The following BCAT1 variants were observed in gnomAD, a reference collection of about 807,000 sequenced individuals.
BCAT1 encodes branched-chain-amino-acid aminotransferase, cytosolic.
BCAT1 carries 48 observed loss-of-function variants against 52.4 expected under a neutral mutation model. The observed-to-expected ratio is 0.92, with a 90% CI of 0.73 to 1.16. BCAT1 has a LOEUF of 1.16. Among genes scored for constraint, BCAT1 ranks in the 50% most tolerant of loss-of-function variants. The pLI, the probability that BCAT1 is intolerant of heterozygous loss-of-function variation, is 0.00. For synonymous variants in BCAT1, 167 were observed against 161.3 expected (o/e 1.04, Z -0.27); for missense variants, 451 against 457.1 (o/e 0.99, Z 0.12).
intron 1 of BCAT1, among the ~76,000 whole-genome samples, chr12:24,943,688 G>T (rs1256884537): frequency 6.6e-6 from 1 of 151,954 alleles, no homozygotes; most frequent in African/African-American, 2.4e-5. Flanking sequence ...AATGTTTTCA[G>T]TTAAAGTAGT....
At chr12:24,884,054 G>A (rs995126344) in intron 3 of BCAT1, among the ~76,000 whole-genome samples, 2 of 152,158 alleles carry the variant, frequency 1.3e-5, no homozygotes, top group Non-Finnish European at 2.9e-5. Flanking sequence ...GTGCTCTCAT[G>A]TTTATTGTAG....
intron 1 of BCAT1, among the ~76,000 whole-genome samples, chr12:24,944,090 A>G (rs1943898771): frequency 6.6e-6 from 1 of 152,214 alleles, no homozygotes. Flanking sequence ...TGTTTCTTCT[A>G]TAAACACCAG....
intron 8 of BCAT1, 39 bp from the exon 9 acceptor site, chr12:24,832,902 G>A (rs539875067): frequency 1.9e-6 from 3 of 1,554,398 alleles, no homozygotes; most frequent in East Asian, 2.3e-5. Flanking sequence ...TATTTTAAAG[G>A]AAAAGGCATG....
chr12:24,914,108 G>A (rs529447593), intron 1 of BCAT1, among the ~76,000 whole-genome samples: 1 of 149,358 alleles, frequency 6.7e-6, no homozygotes, highest in African/African-American at 2.5e-5. Flanking sequence ...TTGAGATGGG[G>A]TCTCACTGTA....
At chr12:24,946,761 A>C (rs1361342753) in intron 1 of BCAT1, among the ~76,000 whole-genome samples, 2 of 152,188 alleles carry the variant, frequency 1.3e-5, no homozygotes, top group South Asian at 2.1e-4. Context: ...GACAGAAAGC[A>C]CATCTTGGTT....
intron 7 of BCAT1, among the ~76,000 whole-genome samples, chr12:24,836,959 G>A (rs55989462): frequency 0.015 from 771 of 51,602 alleles, 25 homozygotes; most frequent in Middle Eastern, 0.056. Flanking sequence ...AGAAAGAAAA[G>A]AGAAAGAAAG....
At chr12:24,856,495 G>A (rs1941687292) in intron 5 of BCAT1, among the ~76,000 whole-genome samples, 1 of 151,464 alleles carries the variant, frequency 6.6e-6, no homozygotes, top group African/African-American at 2.4e-5. Context: ...ACATGAAAGT[G>A]AGGCCTTAAT....
At chr12:24,935,874 C>T (rs938736905) in intron 1 of BCAT1, among the ~76,000 whole-genome samples, 2 of 152,168 alleles carry the variant, frequency 1.3e-5, no homozygotes, top group African/African-American at 4.8e-5. Context: ...TCATTTCTTT[C>T]TCAGCCCTCA....
intron 1 of BCAT1, among the ~76,000 whole-genome samples, chr12:24,933,906 A>G (rs1317893515): frequency 6.6e-6 from 1 of 152,128 alleles, no homozygotes; most frequent in Admixed American, 6.5e-5. Flanking sequence ...TGATGTTCAC[A>G]TAGCGCACTG....
chr12:24,830,072 A>T (rs1940587180), intron 9 of BCAT1, among the ~76,000 whole-genome samples, 175 bp from the exon 10 acceptor site: 1 of 152,208 alleles, frequency 6.6e-6, no homozygotes, highest in African/African-American at 2.4e-5. Flanking sequence ...TCATATCCAA[A>T]ATTTGAATAA....
intron 10 of BCAT1, among the ~76,000 whole-genome samples, chr12:24,821,427 A>G (rs1050433734): frequency 6.6e-6 from 1 of 152,150 alleles, no homozygotes; most frequent in Non-Finnish European, 1.5e-5. Context: ...GCTCCCCCTG[A>G]TACTTAAAAG....
rs576184716 is a variant in BCAT1, at chr12:24,943,750, C to G, written c.6+5177G>C. Among the ~76,000 whole-genome samples the G allele has an allele frequency of 2.0e-5, 3 of 151,956 alleles. No individual in the cohort carries two copies. The East Asian group carries it at 5.8e-4, about 29-fold the overall frequency. ...CTGTAATCCCAGCACCTTGGGTGGC[C>G]GAGGCGGGCAGATCACGAGGTCAGG... On this transcript the variant is annotated intron_variant, in intron 1 of 10. Transcript: ENST00000261192.
chr12:24,839,512 C>T (rs903470297), intron 7 of BCAT1, among the ~76,000 whole-genome samples: 2 of 152,180 alleles, frequency 1.3e-5, no homozygotes, highest in Non-Finnish European at 2.9e-5. Flanking sequence ...GAATAGCAAG[C>T]GTATGGGTTA....
At position 24,831,635 on chromosome 12, in the gene BCAT1, A is replaced by T. The variant is rs189010030; in HGVS notation, c.1044+1088T>A. ...CTGCACTCCAGTACAGGTGACAGAGAAAGACCCCGTTTAAAAAAACAAACA... is the reference window on the plus strand; with the variant it reads ...CTGCACTCCAGTACAGGTGACAGAGTAAGACCCCGTTTAAAAAAACAAACA... On this transcript the variant is annotated intron_variant, in intron 9 of 10. Coordinates refer to ENST00000261192, the MANE Select transcript of BCAT1 (RefSeq NM_005504.7). Among the ~76,000 whole-genome samples, 5 of 152,302 alleles carry T rather than the reference A, an allele frequency of 3.3e-5. No individual in the cohort carries two copies. In the East Asian group the frequency reaches 9.6e-4, roughly 29 times the overall value.
Position 24,881,402 on chromosome 12 carries a change from C to T in BCAT1, c.289G>A (p.Gly97Arg). 6.2e-7 allele frequency: 1 copy of T among 1,604,372 alleles called. No individual in the cohort carries two copies. The highest frequency in any genetic ancestry group is 8.5e-7 in the Non-Finnish European group (1 of 1,171,490). Residue 97 changes from glycine to arginine, a missense_variant, in exon 4 of 11, where the codon GGA becomes AGA. By Grantham distance (125) the Gly-to-Arg change is moderately radical. Coordinates refer to ENST00000261192, the MANE Select transcript of BCAT1 (RefSeq NM_005504.7). ...TCTACTCCTCGAAATGCCTTCAATC[C>T]TTCAAATAACTGGAGATCAAAGAGA... Reference protein sequence around the residue: ...ALHYAVELFEGLKAFRGVDNK... With the variant: ...ALHYAVELFERLKAFRGVDNK...
intron 8 of BCAT1, among the ~76,000 whole-genome samples, chr12:24,835,292 T>C (rs1565452973): frequency 1.3e-5 from 2 of 152,208 alleles, no homozygotes; most frequent in African/African-American, 4.8e-5. Context: ...ATAGCACATT[T>C]CATCTATTTT....
chr12:24,942,698 G>A (rs1224063069), intron 1 of BCAT1, among the ~76,000 whole-genome samples: 1 of 152,188 alleles, frequency 6.6e-6, no homozygotes, highest in Non-Finnish European at 1.5e-5. Context: ...TAAGTGGGAA[G>A]TAGGAAGGCT....
intron 1 of BCAT1, among the ~76,000 whole-genome samples, chr12:24,906,538 A>T (rs1333029487): frequency 2.0e-5 from 3 of 152,218 alleles, no homozygotes; most frequent in African/African-American, 7.2e-5. Context: ...AGACAATAGC[A>T]ACACTTCATG....
chr12:24,928,417 T>C (rs1451692202), intron 1 of BCAT1, among the ~76,000 whole-genome samples: 2 of 151,978 alleles, frequency 1.3e-5, no homozygotes, highest in Non-Finnish European at 2.9e-5. Context: ...GGCAGGAGAA[T>C]TGTTTGAGTC....
Sources: allele counts gnomAD v4.1 joint callset (sites outside exome capture counted in the v4.1 genomes callset), GRCh38; gene constraint gnomAD v4.1.1; transcripts MANE v1.5; gene names NCBI Gene and HGNC (gene_info 2026-07-23, HGNC 2026-07-21).